DMTF1: variants seen among roughly 807,000 people sequenced by gnomAD.
The protein encoded by DMTF1 is cyclin D binding myb like transcription factor 1.
DMTF1 carries 39 observed loss-of-function variants against 91.1 expected under a neutral mutation model. That is an observed-to-expected ratio of 0.43 (90% CI 0.33 to 0.56). The LOEUF is 0.56. Among genes scored for constraint, DMTF1 ranks in the 20% least tolerant of loss-of-function variants. The pLI, the probability that DMTF1 is intolerant of heterozygous loss-of-function variation, is 0.05. For synonymous variants in DMTF1, 338 were observed against 309.5 expected (o/e 1.09, Z -0.97); for missense variants, 750 against 914.5 (o/e 0.82, Z 2.32).
chr7:87,175,147 A>G (rs1053148737), intron 7 of DMTF1, among the ~76,000 whole-genome samples: 6 of 151,548 alleles, frequency 4.0e-5, no homozygotes, highest in Admixed American at 2.0e-4. Flanking sequence ...CAGCCTCCTG[A>G]GTAGCTGGGA....
intron 10 of DMTF1, among the ~76,000 whole-genome samples, chr7:87,182,669 T>C (rs1171759001): frequency 6.6e-6 from 1 of 152,232 alleles, no homozygotes; most frequent in Non-Finnish European, 1.5e-5. Flanking sequence ...GTAATTTTAA[T>C]TTAGGCCCAT....
chr7:87,173,656 T>A lies in DMTF1; in HGVS notation c.442+7T>A. 6.3e-7 allele frequency: 1 copy of A among 1,574,840 alleles called. No homozygotes were observed. Among genetic ancestry groups the A allele is most frequent in the East Asian group, 2.3e-5 (1 of 44,188 alleles). ...GATTCTCTGACTAATAAAGGTAAGA[T>A]AACACTGTGAATTTTAGTGCCTAGT... On this transcript the variant is annotated splice_region_variant and intron_variant, in intron 6 of 17. Coordinates refer to ENST00000331242, the MANE Select transcript of DMTF1 (RefSeq NM_001142327.2).
At chr7:87,178,740 T>C (rs913367603) in intron 7 of DMTF1, among the ~76,000 whole-genome samples, 1 of 151,758 alleles carries the variant, frequency 6.6e-6, no homozygotes, top group African/African-American at 2.4e-5. Context: ...AAGGTTATGC[T>C]AGCCTGATAA....
At chr7:87,191,847 TAAGAA>T (rs1799878323) in intron 14 of DMTF1, among the ~76,000 whole-genome samples, 1 of 152,124 alleles carries the variant, frequency 6.6e-6, no homozygotes, top group African/African-American at 2.4e-5. Flanking sequence ...CATATTTCCT[TAAGAA>T]AATAAAAATT....
At chr7:87,166,755 C>T in intron 4 of DMTF1, 150 bp downstream of exon 4, 1 of 760,484 alleles carries the variant, frequency 1.3e-6, no homozygotes, top group Non-Finnish European at 2.2e-6. Context: ...ACAATAAATA[C>T]TATGTGCCAG....
In DMTF1 at chr7:87,195,857, C is replaced by T. The variant is rs1205536606; in HGVS notation, c.*717C>T. On this transcript the variant is annotated 3_prime_UTR_variant, in exon 18 of 18. Coordinates refer to ENST00000331242, the MANE Select transcript of DMTF1 (RefSeq NM_001142327.2). ...CTGTCATTAGTTTACAAAGTTAGCACTTTGAAGTAAAACTAAATGAGGAAG... is the reference window on the plus strand; with the variant it reads ...CTGTCATTAGTTTACAAAGTTAGCATTTTGAAGTAAAACTAAATGAGGAAG... 1.3e-5 allele frequency: 2 copies of T among 152,484 alleles called. No homozygotes were observed. Among genetic ancestry groups the T allele is most frequent in the Admixed American group, 6.6e-5 (1 of 15,236 alleles). The allele number at this position is 152,484 out of a possible 1,614,324, so 9.4% of individuals were successfully genotyped here. A position where few individuals can be genotyped will look rare whatever the true frequency, so the allele number is the denominator to read the frequency against.
chr7:87,177,706 C>T (rs957044835), intron 7 of DMTF1, among the ~76,000 whole-genome samples: 2 of 152,156 alleles, frequency 1.3e-5, no homozygotes, highest in Non-Finnish European at 1.5e-5. Context: ...CTCACATTAT[C>T]TTGTAAAAGT....
At chr7:87,192,976 A>C (rs535444289) in intron 14 of DMTF1, 2 of 495,918 alleles carry the variant, frequency 4.0e-6, no homozygotes, top group African/African-American at 3.8e-5. Context: ...GCCCTGAAAC[A>C]AATAGCTGAG....
In DMTF1 at chr7:87,194,782, T is replaced by C. The variant is rs1429829531; in HGVS notation, c.2127T>C (p.Ser709=). The C allele has an allele frequency of 2.5e-6, 4 of 1,612,158 alleles. No individual in the cohort carries two copies. In the African/African-American group the frequency reaches 5.3e-5, roughly 22 times the overall value. The change falls in exon 17 of 18, where the codon TCT becomes TCC. Residue 709 remains serine (S), a synonymous_variant. Coordinates refer to ENST00000331242, the MANE Select transcript of DMTF1 (RefSeq NM_001142327.2). The part of the protein sequence containing the change: ...VPSPHGFIQA[S]DVIDTESVLP... ...CACCACATGGCTTTATCCAGGCATC[T>C]GATGTTATAGATACTGAATCTGTCT...
chr7:87,153,606 CAACTCATTCAT>C (rs985866451), intron 1 of DMTF1, among the ~76,000 whole-genome samples: 2 of 152,062 alleles, frequency 1.3e-5, no homozygotes, highest in African/African-American at 4.8e-5. Flanking sequence ...GCTTTTTTCG[CAACTCATTCAT>C]CTTTGTGTAC....
At chr7:87,170,118 T>C (rs1794738948) in intron 4 of DMTF1, among the ~76,000 whole-genome samples, 1 of 152,086 alleles carries the variant, frequency 6.6e-6, no homozygotes, top group Admixed American at 6.6e-5. Context: ...GTAGTTTTGA[T>C]TTTTTTTAAA....
chr7:87,182,144 AAG>A, intron 9 of DMTF1, 82 bp from the exon 10 acceptor site: 1 of 1,590,710 alleles, frequency 6.3e-7, no homozygotes, highest in Non-Finnish European at 8.6e-7. Context: ...GTCAAATGGG[AAG>A]AAGAAGAATG....
At chr7:87,167,814 C>T (rs183902323) in intron 4 of DMTF1, among the ~76,000 whole-genome samples, 148 of 152,174 alleles carry the variant, frequency 9.7e-4, no homozygotes, top group African/African-American at 3.5e-3. Flanking sequence ...TGTTGTGATT[C>T]AATTCTAAAA....
chr7:87,194,806 C>T lies in DMTF1; in HGVS notation c.2151C>T (p.Val717=). Residue 717 remains valine (V), a synonymous_variant, in exon 17 of 18, where the codon GTC becomes GTT. Transcript: ENST00000331242. Reference sequence around the variant, plus strand: ...CTGATGTTATAGATACTGAATCTGTCTTGCCTTTGACAACACTAACAGGTA... The same window carrying T: ...CTGATGTTATAGATACTGAATCTGTTTTGCCTTTGACAACACTAACAGGTA... The part of the protein sequence containing the change: ...QASDVIDTES[V]LPLTTLTDPI... 6.2e-7 allele frequency: 1 copy of T among 1,611,602 alleles called. No homozygotes were observed. Among genetic ancestry groups the T allele is most frequent in the Non-Finnish European group, 8.5e-7 (1 of 1,178,760 alleles).
intron 10 of DMTF1, 104 bp from the exon 11 acceptor site, chr7:87,184,293 C>G: frequency 3.8e-6 from 4 of 1,063,924 alleles, no homozygotes; most frequent in Non-Finnish European, 5.4e-6. Flanking sequence ...GAAACAAACT[C>G]TTAGTACTAT....
intron 1 of DMTF1, among the ~76,000 whole-genome samples, chr7:87,153,570 C>T (rs906840005): frequency 6.6e-6 from 1 of 152,084 alleles, no homozygotes; most frequent in Admixed American, 6.5e-5. Context: ...GGACTCCTCC[C>T]TTTCTCTCAT....
chr7:87,194,606 C>T lies in DMTF1; in HGVS notation c.2029-78C>T, dbSNP rs186703552. 7 of 1,047,320 alleles carry T rather than the reference C, an allele frequency of 6.7e-6. No homozygotes were observed. The South Asian group carries it at 8.2e-5, about 12-fold the overall frequency. 64.9% of individuals were successfully genotyped at this position (1,047,320 alleles called of 1,614,324 possible). A position where few individuals can be genotyped will look rare whatever the true frequency, so the allele number is the denominator to read the frequency against. On this transcript the variant is annotated intron_variant, in intron 16 of 17. Coordinates refer to ENST00000331242, the MANE Select transcript of DMTF1 (RefSeq NM_001142327.2). Reference sequence around the variant, plus strand: ...TAAATGGGTTATGTTTAAGTCTAACCTATACATACCTATACATGGGATTTT... The same window carrying T: ...TAAATGGGTTATGTTTAAGTCTAACTTATACATACCTATACATGGGATTTT...
chr7:87,193,798 T>C lies in DMTF1; in HGVS notation c.1724T>C (p.Val575Ala). The C allele has an allele frequency of 1.2e-6, 2 of 1,613,240 alleles. No homozygotes were observed. The highest frequency in any genetic ancestry group is 8.5e-7 in the Non-Finnish European group (1 of 1,179,480). Reference sequence around the variant, plus strand: ...ACACCAAGAGTCATCATTCAGACTGTTGCCACAGAGGACATCACTTCTTCC... The same window carrying C: ...ACACCAAGAGTCATCATTCAGACTGCTGCCACAGAGGACATCACTTCTTCC... ...CHTPRVIIQT[V>A]ATEDITSSIS... is the part of the protein sequence containing the mutation. The change falls in exon 16 of 18, where the codon GTT (valine) becomes GCT (alanine). Residue 575 changes from valine to alanine, a missense_variant. Coordinates refer to ENST00000331242, the MANE Select transcript of DMTF1 (RefSeq NM_001142327.2).
intron 5 of DMTF1, among the ~76,000 whole-genome samples, chr7:87,173,317 T>C (rs1795532690): frequency 6.6e-6 from 1 of 152,178 alleles, no homozygotes; most frequent in South Asian, 2.1e-4. Flanking sequence ...TTAATGCATA[T>C]AATTTTGTTT....
Sources: gnomAD v4.1 joint callset for allele counts (sites outside exome capture counted in the v4.1 genomes callset) on GRCh38, gnomAD v4.1.1 for gene constraint, MANE v1.5 for transcripts, NCBI Gene and HGNC (gene_info 2026-07-23, HGNC 2026-07-21) for gene names.